Variants in AFG1L observed in about 807,000 individuals in gnomAD.
The protein encoded by AFG1L is AFG1 like ATPase.
Under a neutral mutation model 62.2 loss-of-function variants are expected in AFG1L, and 53 were observed. The ratio of observed to expected loss-of-function variants is 0.85; its 90% CI spans 0.68 to 1.07. The LOEUF is 1.07. Ranked by LOEUF, AFG1L falls within the 50% of genes least tolerant of loss-of-function variation. AFG1L has a pLI of 0.00. For synonymous variants in AFG1L, 228 were observed against 210.3 expected, an observed-to-expected ratio of 1.08 and a Z score of -0.73; for missense variants, 555 against 590.5, an observed-to-expected ratio of 0.94 and a Z score of 0.62.
intron 10 of AFG1L, among the ~76,000 whole-genome samples, chr6:108,506,182 C>T (rs543911157): frequency 9.2e-5 from 14 of 152,206 alleles, no homozygotes; most frequent in African/African-American, 3.4e-4. Context: ...GTAGTATTTG[C>T]ATATAACCCA....
chr6:108,498,856 C>A (rs1774072366), intron 10 of AFG1L, among the ~76,000 whole-genome samples: 1 of 151,874 alleles, frequency 6.6e-6, no homozygotes, highest in South Asian at 2.1e-4. Context: ...CACCTGTAAT[C>A]CCAGCTACTT....
intron 10 of AFG1L, among the ~76,000 whole-genome samples, chr6:108,483,959 A>G (rs531759931): frequency 2.4e-4 from 36 of 152,162 alleles, no homozygotes; most frequent in Admixed American, 6.5e-4. Context: ...TGCTCTTTTT[A>G]TGCTTTATTT....
intron 8 of AFG1L, among the ~76,000 whole-genome samples, chr6:108,470,020 C>T (rs1256000784): frequency 6.6e-6 from 1 of 152,182 alleles, no homozygotes. Flanking sequence ...GTACATTCAG[C>T]TGTATCTGCT....
intron 7 of AFG1L, among the ~76,000 whole-genome samples, chr6:108,408,979 TG>T (rs1374210936): frequency 5.9e-5 from 9 of 152,142 alleles, no homozygotes; most frequent in African/African-American, 9.7e-5. Context: ...GTTAGGTAAA[TG>T]ATGATGCAGT....
At position 108,324,004 on chromosome 6, in the gene AFG1L, G is replaced by A. The variant is rs1214138831; in HGVS notation, c.319G>A (p.Asp107Asn). Residue 107 changes from aspartate (D) to asparagine (N), a missense_variant, in exon 2 of 13, where the codon GAC becomes AAC. Asp to Asn is a conservative substitution (Grantham distance 23, BLOSUM62 1). Transcript: ENST00000368977. ...VIQCLQKLHE[D>N]LKGYNIEAEG... is the part of the protein sequence containing the mutation. ...ACAGTGTTTGCAGAAATTACACGAG[G>A]ACCTTAAAGGATACAATATAGAGGC... 1.2e-6 allele frequency: 2 copies of A among 1,613,978 alleles called. No homozygotes were observed. The highest frequency in any genetic ancestry group is 1.7e-6 in the Non-Finnish European group (2 of 1,179,950).
chr6:108,393,214 T>C (rs1275877505), intron 6 of AFG1L, among the ~76,000 whole-genome samples: 1 of 152,098 alleles, frequency 6.6e-6, no homozygotes, highest in African/African-American at 2.4e-5. Context: ...TATTATGAAA[T>C]CTTTATGTCT....
chr6:108,329,698 A>G (rs1380016141), intron 2 of AFG1L, among the ~76,000 whole-genome samples: 2 of 151,830 alleles, frequency 1.3e-5, no homozygotes, highest in African/African-American at 4.9e-5. Context: ...AAGACGACAC[A>G]GACCTATTTT....
chr6:108,467,973 A>G (rs1283768454), intron 8 of AFG1L, among the ~76,000 whole-genome samples: 1 of 152,188 alleles, frequency 6.6e-6, no homozygotes. Flanking sequence ...AGTTGACCTG[A>G]GCAGTACTGA....
In AFG1L at chr6:108,295,149, G is replaced by GT; in HGVS notation, c.72dup (p.Gly25TrpfsTer56). On this transcript the variant is annotated frameshift_variant, in exon 1 of 13. Transcript: ENST00000368977. LOFTEE classifies it high-confidence loss of function. ...ACAGAGCCCGCTGAGAGGGAGATGT[G>GT]TTGGGTGCGGGGCCTGGGCCGCCGC... is the stretch of plus-strand genomic sequence containing the variant. The GT allele has an allele frequency of 6.2e-7, 1 of 1,610,408 alleles. No homozygotes were observed. The highest frequency in any genetic ancestry group is 8.5e-7 in the Non-Finnish European group (1 of 1,179,980).
intron 2 of AFG1L, among the ~76,000 whole-genome samples, chr6:108,339,492 C>T (rs1172129462): frequency 7.2e-6 from 1 of 139,494 alleles, no homozygotes; most frequent in Non-Finnish European, 1.5e-5. Context: ...GACAGTCTTG[C>T]TCTGTTGCCC....
chr6:108,306,934 A>C (rs1449584522), intron 1 of AFG1L, among the ~76,000 whole-genome samples: 1 of 152,092 alleles, frequency 6.6e-6, no homozygotes, highest in Non-Finnish European at 1.5e-5. Flanking sequence ...CGACTCTTAG[A>C]GTTATTAAAA....
rs1390664734 is a variant in AFG1L at position 108,440,039 on chromosome 6, A to G, written c.808-7175A>G. Among the ~76,000 whole-genome samples the G allele has an allele frequency of 1.1e-4, 16 of 152,342 alleles. 1 individual carries two copies. Among genetic ancestry groups the G allele is most frequent in the Admixed American group, 2.6e-4 (4 of 15,300 alleles). The stretch of plus-strand genomic sequence containing the variant: ...ATAGATGTCTACCTCTGTAATCTCC[A>G]TATGTATAGGAAAAACTTATATAAG... On this transcript the variant is annotated intron_variant, in intron 7 of 12. Transcript: ENST00000368977.
chr6:108,511,979 G>C (rs1774669968), intron 11 of AFG1L, among the ~76,000 whole-genome samples: 1 of 152,210 alleles, frequency 6.6e-6, no homozygotes, highest in South Asian at 2.1e-4. Context: ...CAGAGAAGGA[G>C]GCATATGGTG....
At chr6:108,511,965 TAGAC>T (rs1443083070) in intron 11 of AFG1L, among the ~76,000 whole-genome samples, 1 of 152,152 alleles carries the variant, frequency 6.6e-6, no homozygotes, top group African/African-American at 2.4e-5. Flanking sequence ...GATGACCTGT[TAGAC>T]AGAGAAGGAG....
rs995602886 is a variant in AFG1L, at chr6:108,337,452, C to T, written c.364-9536C>T. Reference sequence around the variant, plus strand: ...TTGTGCTTTGTCCCCCCTTCTATTCCGTGAGTTCCTTGGAAACAAGGATTG... The same window carrying T: ...TTGTGCTTTGTCCCCCCTTCTATTCTGTGAGTTCCTTGGAAACAAGGATTG... On this transcript the variant is annotated intron_variant, in intron 2 of 12. Coordinates refer to ENST00000368977, the MANE Select transcript of AFG1L (RefSeq NM_145315.5). Among the ~76,000 whole-genome samples, 28 of 152,148 alleles carry T rather than the reference C, an allele frequency of 1.8e-4. No homozygotes were observed. The South Asian group carries it at 2.1e-3, about 11-fold the overall frequency.
At chr6:108,326,749 C>G (rs756108875) in intron 2 of AFG1L, among the ~76,000 whole-genome samples, 1 of 152,176 alleles carries the variant, frequency 6.6e-6, no homozygotes, top group Non-Finnish European at 1.5e-5. Flanking sequence ...CACCTGAGGT[C>G]AGGAGTTTGA....
At chr6:108,402,121 G>T in intron 7 of AFG1L, 67 bp downstream of exon 7, 1 of 772,742 alleles carries the variant, frequency 1.3e-6, no homozygotes, top group East Asian at 3.0e-5. Context: ...GCTTTAGTAG[G>T]ATTGTCTTAG....
chr6:108,324,078 C>T (rs369275088), intron 2 of AFG1L, 30 bp downstream of exon 2: 1 of 1,498,928 alleles, frequency 6.7e-7, no homozygotes, highest in African/African-American at 1.4e-5. Flanking sequence ...AAAGATTAAA[C>T]AGTTAAAAGT....
At chr6:108,416,773 A>G (rs1050287508) in intron 7 of AFG1L, among the ~76,000 whole-genome samples, 1 of 152,080 alleles carries the variant, frequency 6.6e-6, no homozygotes, top group Non-Finnish European at 1.5e-5. Flanking sequence ...GGGGCCTGTC[A>G]TGCGGTGTGG....
Sources: gnomAD v4.1 joint callset for allele counts (sites outside exome capture counted in the v4.1 genomes callset) on GRCh38, gnomAD v4.1.1 for gene constraint, MANE v1.5 for transcripts, NCBI Gene and HGNC (gene_info 2026-07-23, HGNC 2026-07-21) for gene names.